RRM2: variants seen among roughly 807,000 people sequenced by gnomAD.
RRM2 encodes the protein ribonucleotide reductase regulatory subunit M2, also known as ribonucleoside-diphosphate reductase subunit M2.
Under a neutral mutation model 45.9 loss-of-function variants are expected in RRM2, and 6 were observed. The observed-to-expected ratio is 0.13, with a 90% CI of 0.07 to 0.26. The LOEUF (loss-of-function observed/expected upper bound fraction) is 0.26, where lower values mean the gene tolerates loss of function less well. Among genes scored for constraint, RRM2 ranks in the 10% least tolerant of loss-of-function variants. The pLI is 1.00. For synonymous variants in RRM2, 177 were observed against 173.0 expected (o/e 1.02, Z -0.18); for missense variants, 343 against 489.5 (o/e 0.70, Z 2.82).
chr2:10,197,495 T>C (rs973146306), intron 3 of RRM2, among the ~76,000 whole-genome samples: 1 of 152,050 alleles, frequency 6.6e-6, no homozygotes, highest in Non-Finnish European at 1.5e-5. Flanking sequence ...CTGGGGGAAC[T>C]CCAGCAAGGC....
intron 2 of RRM2, chr2:10,142,012 T>C (rs1389471933): frequency 5.7e-6 from 9 of 1,575,466 alleles, no homozygotes; most frequent in African/African-American, 1.4e-5. Context: ...AGGGGCGGGC[T>C]ATGCCCCTTG....
intron 3 of RRM2, chr2:10,154,934 G>C (rs1663395563): frequency 6.5e-6 from 1 of 154,648 alleles, no homozygotes; most frequent in Non-Finnish European, 1.4e-5. Context: ...GACCTCAGGT[G>C]ATCCGCCTGC....
chr2:10,179,214 G>A (rs549763538), intron 3 of RRM2, among the ~76,000 whole-genome samples: 60 of 152,188 alleles, frequency 3.9e-4, no homozygotes, highest in African/African-American at 1.3e-3. Context: ...GTGTAGTGGC[G>A]CGATCTCAGC....
At chr2:10,161,484 C>T (rs957256887) in intron 3 of RRM2, among the ~76,000 whole-genome samples, 40 of 152,310 alleles carry the variant, frequency 2.6e-4, no homozygotes, top group Admixed American at 2.2e-3. Context: ...AGGTGTGTCA[C>T]GTGGCAACCT....
chr2:10,126,101 G>A (rs1249226964), intron 5 of RRM2, among the ~76,000 whole-genome samples: 1 of 146,728 alleles, frequency 6.8e-6, no homozygotes, highest in African/African-American at 2.5e-5. Context: ...TGGTTTTACC[G>A]TGAGCTGTGA....
intron 3 of RRM2, chr2:10,155,665 C>A (rs1663407967): frequency 6.6e-6 from 1 of 152,340 alleles, no homozygotes; most frequent in Non-Finnish European, 1.5e-5. Context: ...CGCCTCTGAT[C>A]TTCATTTGAT....
chr2:10,145,311 A>G (rs1006207220), intron 3 of RRM2, among the ~76,000 whole-genome samples: 13 of 152,174 alleles, frequency 8.5e-5, no homozygotes, highest in African/African-American at 3.1e-4. Context: ...GTGGTGAGTT[A>G]GAGCCACGTC....
At chr2:10,173,991 A>G (rs1231149279) in intron 3 of RRM2, among the ~76,000 whole-genome samples, 1 of 152,178 alleles carries the variant, frequency 6.6e-6, no homozygotes, top group Non-Finnish European at 1.5e-5. Flanking sequence ...TGTCCCCTGC[A>G]ATTCACATGT....
In RRM2 at chr2:10,204,528, C is replaced by T. The variant is rs1664629363; in HGVS notation, n.483-5783C>T. Reference sequence around the variant, plus strand: ...TGGCTTCTGTGGTCACTGGCTGTGACCCCGCCAGCCCTGCTCAGCGCTGTG... The same window carrying T: ...TGGCTTCTGTGGTCACTGGCTGTGATCCCGCCAGCCCTGCTCAGCGCTGTG... On this transcript the variant is annotated intron_variant and non_coding_transcript_variant, in intron 3 of 3. Coordinates refer to the RRM2 transcript ENST00000381786. The surrounding 1 kb of genome is among the most constrained non-coding windows in gnomAD (Gnocchi z 4.0). Among the ~76,000 whole-genome samples, 1 of 152,208 alleles carries T rather than the reference C, an allele frequency of 6.6e-6. No individual in the cohort carries two copies. Among genetic ancestry groups the T allele is most frequent in the Admixed American group, 6.5e-5 (1 of 15,284 alleles).
chr2:10,140,406 GA>G (rs1663059317), upstream of RRM2, among the ~76,000 whole-genome samples: 1 of 152,246 alleles, frequency 6.6e-6, no homozygotes, highest in Admixed American at 6.5e-5. Context: ...TAAGAGACTG[GA>G]ATAGCTGCTG....
At chr2:10,175,645 G>A (rs181841423) in intron 3 of RRM2, among the ~76,000 whole-genome samples, 69 of 152,220 alleles carry the variant, frequency 4.5e-4, no homozygotes, top group Middle Eastern at 3.4e-3. Context: ...TACCCCAGGC[G>A]GGAGTGCAGT....
chr2:10,152,593 C>T (rs180680853), intron 3 of RRM2, among the ~76,000 whole-genome samples: 1 of 151,946 alleles, frequency 6.6e-6, no homozygotes, highest in African/African-American at 2.4e-5. Context: ...AGCAGTTCTC[C>T]CACCTCAGCC....
intron 3 of RRM2, among the ~76,000 whole-genome samples, chr2:10,147,395 A>C (rs571657666): frequency 8.0e-4 from 121 of 150,982 alleles, no homozygotes; most frequent in African/African-American, 2.7e-3. Context: ...TGATCCTCCC[A>C]CCTCATCTGA....
At chr2:10,179,359 C>A (rs1164154817) in intron 3 of RRM2, among the ~76,000 whole-genome samples, 1 of 152,146 alleles carries the variant, frequency 6.6e-6, no homozygotes, top group East Asian at 1.9e-4. Flanking sequence ...ACCACGTTGG[C>A]CAGGCTGGTC....
Position 10,169,300 on chromosome 2 carries a change from G to A in RRM2, n.482+26925G>A, listed in dbSNP as rs1312213427. On this transcript the variant is annotated intron_variant and non_coding_transcript_variant, in intron 3 of 3. Coordinates refer to the RRM2 transcript ENST00000381786. The surrounding 1 kb of genome is among the most constrained non-coding windows in gnomAD (Gnocchi z 5.1). ...GCTGCTTCTCTTTGTAAGTTCCCAA[G>A]TTGAAGCACCCCCTTCAGGTGTAGT... 1.3e-5 allele frequency among the ~76,000 whole-genome samples: 2 copies of A among 152,084 alleles called. No homozygotes were observed. Among genetic ancestry groups the A allele is most frequent in the South Asian group, 2.1e-4 (1 of 4,824 alleles).
At chr2:10,190,837 T>C (rs966987060) in intron 3 of RRM2, among the ~76,000 whole-genome samples, 3 of 151,742 alleles carry the variant, frequency 2.0e-5, no homozygotes, top group East Asian at 1.9e-4. Context: ...GTGGTGATGA[T>C]GGTGATGGCA....
At chr2:10,206,335 T>C (rs1458645635) in intron 3 of RRM2, among the ~76,000 whole-genome samples, 2 of 151,946 alleles carry the variant, frequency 1.3e-5, no homozygotes, top group Admixed American at 6.6e-5. Context: ...TGAAAAGGTA[T>C]CTATCTGCAT....
chr2:10,200,606 CCACAGGGACCGCGCGCGCAAA>C, intron 3 of RRM2, among the ~76,000 whole-genome samples: 1 of 62,376 alleles, frequency 1.6e-5, no homozygotes, highest in African/African-American at 5.2e-5. Flanking sequence ...AATATGAGGC[CCACAGGGACCGCGCGCGCAAA>C]ATATGAGGCC....
At position 10,171,243 on chromosome 2, in the gene RRM2, G is replaced by A. The variant is rs1031324179; in HGVS notation, n.482+28868G>A. Among the ~76,000 whole-genome samples, 22 of 152,356 alleles carry A rather than the reference G, an allele frequency of 1.4e-4. No homozygotes were observed. Among genetic ancestry groups the A allele is most frequent in the Admixed American group, 3.3e-4 (5 of 15,312 alleles). On this transcript the variant is annotated intron_variant and non_coding_transcript_variant, in intron 3 of 3. Transcript: ENST00000381786. The surrounding 1 kb of genome is among the most constrained non-coding windows in gnomAD (Gnocchi z 4.1). The stretch of plus-strand genomic sequence containing the variant: ...TCCTCACTGGTGAACAGTCAGCTCT[G>A]CCCCCTGGGCTGTCAGGAGGATTAA...
Sources: allele counts gnomAD v4.1 joint callset (sites outside exome capture counted in the v4.1 genomes callset), GRCh38; gene constraint gnomAD v4.1.1; non-coding constraint Gnocchi (gnomAD v3.1); transcripts MANE v1.5; gene names NCBI Gene and HGNC (gene_info 2026-07-23, HGNC 2026-07-21).